Variants in CDH13 observed in about 807,000 individuals in gnomAD.
CDH13 encodes cadherin 13, also known as cadherin-13.
In CDH13, 24 loss-of-function variants were observed where a neutral mutation model predicts 63.8. That is an observed-to-expected ratio of 0.38 (90% CI 0.27 to 0.53). The LOEUF (loss-of-function observed/expected upper bound fraction) is 0.53, where lower values mean the gene tolerates loss of function less well. Ranked by LOEUF, CDH13 falls within the 20% of genes least tolerant of loss-of-function variation. The pLI is 0.85. For synonymous variants in CDH13, 503 were observed against 355.3 expected (o/e 1.42, Z -4.67); for missense variants, 1,049 against 903.1 (o/e 1.16, Z -2.07).
At chr16:83,633,831 C>A (rs920559761) in intron 8 of CDH13, among the ~76,000 whole-genome samples, 2 of 152,112 alleles carry the variant, frequency 1.3e-5, no homozygotes, top group African/African-American at 4.8e-5. Flanking sequence ...AACAAGGTAT[C>A]CCCCCTCCAA....
chr16:82,834,974 A>G (rs1362050233), intron 1 of CDH13, among the ~76,000 whole-genome samples: 1 of 152,210 alleles, frequency 6.6e-6, no homozygotes, highest in Non-Finnish European at 1.5e-5. Context: ...ATGTTTGCTC[A>G]GGCCTGCTCT....
At chr16:83,427,640 C>T (rs2071952740) in intron 6 of CDH13, among the ~76,000 whole-genome samples, 1 of 152,156 alleles carries the variant, frequency 6.6e-6, no homozygotes, top group Admixed American at 6.5e-5. Context: ...CACTAGATAA[C>T]ACAGCAAGGG....
chr16:82,911,013 C>T (rs2041812235), intron 2 of CDH13, among the ~76,000 whole-genome samples: 1 of 152,166 alleles, frequency 6.6e-6, no homozygotes, highest in Admixed American at 6.5e-5. Context: ...TTGGTGTACA[C>T]TCAGAACTCA....
intron 13 of CDH13, among the ~76,000 whole-genome samples, chr16:83,792,726 A>T (rs1013476049): frequency 6.6e-6 from 1 of 152,094 alleles, no homozygotes; most frequent in Non-Finnish European, 1.5e-5. Flanking sequence ...AAGTGGAGAC[A>T]TTCTACCACC....
At chr16:83,022,095 G>T (rs72794179) in intron 2 of CDH13, among the ~76,000 whole-genome samples, 1 of 152,104 alleles carries the variant, frequency 6.6e-6, no homozygotes, top group Non-Finnish European at 1.5e-5. Flanking sequence ...TTAAAAGGAA[G>T]GTGGTGCCTC....
At chr16:83,726,005 C>G (rs545422752) in intron 10 of CDH13, 6 of 152,208 alleles carry the variant, frequency 3.9e-5, no homozygotes, top group Non-Finnish European at 7.3e-5. Flanking sequence ...ATGTAGCATT[C>G]TTTCCTGACT....
chr16:83,456,098 G>A (rs1038396764), intron 6 of CDH13, among the ~76,000 whole-genome samples: 1 of 152,230 alleles, frequency 6.6e-6, no homozygotes, highest in African/African-American at 2.4e-5. Context: ...AGGGTGAGAA[G>A]ACTGCATTTC....
At chr16:83,153,543 C>G (rs1011921310) in intron 4 of CDH13, among the ~76,000 whole-genome samples, 4 of 152,196 alleles carry the variant, frequency 2.6e-5, no homozygotes, top group African/African-American at 9.6e-5. Flanking sequence ...AAACTATAAA[C>G]TAAGCTCCTC....
intron 1 of CDH13, among the ~76,000 whole-genome samples, chr16:82,671,419 G>T: frequency 6.6e-6 from 1 of 152,286 alleles, no homozygotes; most frequent in Non-Finnish European, 1.5e-5. Context: ...ATGTTCAAGG[G>T]AGTAATTCCT....
intron 7 of CDH13, among the ~76,000 whole-genome samples, chr16:83,582,809 G>A (rs1044224000): frequency 1.2e-4 from 18 of 152,194 alleles, no homozygotes; most frequent in Admixed American, 4.6e-4. Flanking sequence ...AGCAGAGTCC[G>A]ATCAACCGTG....
intron 1 of CDH13, among the ~76,000 whole-genome samples, chr16:82,640,700 C>G (rs1415935799): frequency 6.6e-6 from 1 of 152,158 alleles, no homozygotes; most frequent in Non-Finnish European, 1.5e-5. Flanking sequence ...ACCAGGCATT[C>G]TCTTTGGCCT....
At chr16:83,456,778 A>G (rs987921388) in intron 6 of CDH13, among the ~76,000 whole-genome samples, 1 of 152,154 alleles carries the variant, frequency 6.6e-6, no homozygotes, top group Non-Finnish European at 1.5e-5. Context: ...CCTGGCCAAT[A>G]TGGCAAAACC....
chr16:83,011,703 C>T (rs977691670), intron 2 of CDH13, among the ~76,000 whole-genome samples: 7 of 152,188 alleles, frequency 4.6e-5, no homozygotes, highest in African/African-American at 1.7e-4. Flanking sequence ...CCGGCCCTTT[C>T]CTTTCTTCCC....
At chr16:83,164,094 C>T (rs2037560080) in intron 4 of CDH13, among the ~76,000 whole-genome samples, 1 of 151,998 alleles carries the variant, frequency 6.6e-6, no homozygotes, top group African/African-American at 2.4e-5. Flanking sequence ...AAAATGAAAA[C>T]CCAGCAGCCT....
intron 3 of CDH13, among the ~76,000 whole-genome samples, chr16:83,123,471 G>T (rs2035677389): frequency 6.6e-6 from 1 of 151,916 alleles, no homozygotes; most frequent in Non-Finnish European, 1.5e-5. Context: ...TAGAGACGAG[G>T]TTTCTCCATG....
chr16:82,695,121 G>T (rs1028905156), intron 1 of CDH13, among the ~76,000 whole-genome samples: 5 of 152,076 alleles, frequency 3.3e-5, no homozygotes, highest in Non-Finnish European at 7.4e-5. Flanking sequence ...CAGCTCAGTG[G>T]AAAGGATCCT....
intron 10 of CDH13, among the ~76,000 whole-genome samples, chr16:83,680,478 C>T (rs1016089977): frequency 5.3e-5 from 8 of 151,994 alleles, no homozygotes; most frequent in Non-Finnish European, 1.0e-4. Flanking sequence ...AGGATTCCAG[C>T]CTGGGGAGGG....
At chr16:83,037,046 T>G (rs1916925499) in intron 3 of CDH13, among the ~76,000 whole-genome samples, 1 of 152,192 alleles carries the variant, frequency 6.6e-6, no homozygotes, top group Non-Finnish European at 1.5e-5. Context: ...TGTAGGTTCT[T>G]AAGCAGAGAA....
chr16:83,783,542 AT>A, intron 13 of CDH13, 70 bp downstream of exon 13: 1 of 1,095,074 alleles, frequency 9.1e-7, no homozygotes, highest in Non-Finnish European at 1.4e-6. Flanking sequence ...TGAAGCCAGC[AT>A]TTTCCCATAT....
Sources: gnomAD v4.1 joint callset for allele counts (sites outside exome capture counted in the v4.1 genomes callset) on GRCh38, gnomAD v4.1.1 for gene constraint, MANE v1.5 for transcripts, NCBI Gene and HGNC (gene_info 2026-07-23, HGNC 2026-07-21) for gene names.